The following WDR41 variants were observed in gnomAD, a reference collection of about 807,000 sequenced individuals.
WDR41 encodes the protein WD repeat domain 41, also known as WD repeat-containing protein 41.
Under a neutral mutation model 69.3 loss-of-function variants are expected in WDR41, and 63 were observed. The ratio of observed to expected loss-of-function variants is 0.91; its 90% CI spans 0.74 to 1.12. The LOEUF (loss-of-function observed/expected upper bound fraction) is 1.12. Ranked by LOEUF, WDR41 falls within the 50% of genes most tolerant of loss-of-function variation. The pLI, the probability that WDR41 is intolerant of heterozygous loss-of-function variation, is 0.00. For synonymous variants in WDR41, 185 were observed against 192.1 expected (o/e 0.96, Z 0.31); for missense variants, 543 against 534.5 (o/e 1.02, Z -0.16).
In WDR41 at chr5:77,433,238, T is replaced by A; in HGVS notation, c.1277A>T (p.His426Leu). The A allele has an allele frequency of 3.7e-6, 6 of 1,613,918 alleles. No individual in the cohort carries two copies. Among genetic ancestry groups the A allele is most frequent in the Non-Finnish European group, 4.2e-6 (5 of 1,179,864 alleles). ...DHGLVTCSAD[H>L]LIILWKNGER... ...TCCATTTTTCCACAAAATAATGAGA[T>A]GATCAGCGGAGCACGTCACTAGTCC... The change falls in exon 13 of 13, where the codon CAT (histidine) becomes CTT (leucine). Residue 426 changes from histidine to leucine, a missense_variant. His to Leu is a moderately conservative substitution (Grantham distance 99). Transcript: ENST00000296679.
chr5:77,506,639 A>T (rs925088927), intron 1 of WDR41, among the ~76,000 whole-genome samples: 1 of 152,226 alleles, frequency 6.6e-6, no homozygotes, highest in Non-Finnish European at 1.5e-5. Flanking sequence ...AACCAACCCA[A>T]ATGTCCATCA....
intron 8 of WDR41, among the ~76,000 whole-genome samples, chr5:77,441,646 G>A (rs1799171816): frequency 6.6e-6 from 1 of 152,218 alleles, no homozygotes; most frequent in African/African-American, 2.4e-5. Context: ...GTTGAGACAG[G>A]AGAACTGCTT....
intron 1 of WDR41, among the ~76,000 whole-genome samples, chr5:77,549,830 C>A (rs1046773174): frequency 6.6e-6 from 1 of 152,088 alleles, no homozygotes; most frequent in African/African-American, 2.4e-5. Flanking sequence ...CATCACATTA[C>A]CCAACTTCAA....
At chr5:77,450,207 C>A (rs1168201267) in intron 7 of WDR41, among the ~76,000 whole-genome samples, 1 of 152,144 alleles carries the variant, frequency 6.6e-6, no homozygotes, top group Non-Finnish European at 1.5e-5. Context: ...TAGCCCACAT[C>A]CCTCAATCAC....
At chr5:77,609,751 TCTC>T (rs1164600622) in intron 1 of WDR41, among the ~76,000 whole-genome samples, 1 of 152,048 alleles carries the variant, frequency 6.6e-6, no homozygotes, top group Admixed American at 6.5e-5. Context: ...GCAGAGCGCC[TCTC>T]CTCCTCCAAA....
At chr5:77,510,897 A>T (rs1316888579) in intron 1 of WDR41, among the ~76,000 whole-genome samples, 2 of 147,408 alleles carry the variant, frequency 1.4e-5, no homozygotes, top group Non-Finnish European at 3.0e-5. Flanking sequence ...TCAGCCTCCC[A>T]AGTAGCTGGG....
At chr5:77,449,941 A>C in intron 7 of WDR41, 71 bp from the exon 8 acceptor site, 1 of 1,062,918 alleles carries the variant, frequency 9.4e-7, no homozygotes, top group African/African-American at 1.6e-5. Flanking sequence ...CTGCTCTAAA[A>C]ACAAGCATTT....
chr5:77,439,767 T>A (rs1446803501), intron 9 of WDR41, among the ~76,000 whole-genome samples: 1 of 152,106 alleles, frequency 6.6e-6, no homozygotes, highest in Non-Finnish European at 1.5e-5. Context: ...AAACATCAAT[T>A]AAAAAATTTA....
chr5:77,470,881 A>C (rs1042388341), intron 2 of WDR41, among the ~76,000 whole-genome samples: 14 of 151,900 alleles, frequency 9.2e-5, no homozygotes, highest in African/African-American at 3.4e-4. Context: ...AGACAAAGTT[A>C]ACAAGGATAT....
rs564483270 is a variant in WDR41 at position 77,564,846 on chromosome 5, A to G, written c.42+55633T>C. Among the ~76,000 whole-genome samples the G allele has an allele frequency of 4.6e-5, 7 of 152,250 alleles. No homozygotes were observed. In the East Asian group the frequency reaches 1.3e-3, roughly 29 times the overall value. Reference sequence around the variant, plus strand: ...CTCAAACTCAACAGTCCCATAATGTATTTCAAACTATCTTTTCTTCTATCA... The same window carrying G: ...CTCAAACTCAACAGTCCCATAATGTGTTTCAAACTATCTTTTCTTCTATCA... On this transcript the variant is annotated intron_variant, in intron 1 of 5. Coordinates refer to the WDR41 transcript ENST00000509971.
intron 1 of WDR41, among the ~76,000 whole-genome samples, chr5:77,501,455 T>C (rs914228159): frequency 5.3e-5 from 8 of 152,244 alleles, no homozygotes; most frequent in African/African-American, 1.9e-4. Context: ...AGGGCATAGC[T>C]GAACAAAAGT....
chr5:77,507,214 C>A (rs956474360), intron 1 of WDR41, among the ~76,000 whole-genome samples: 1 of 151,940 alleles, frequency 6.6e-6, no homozygotes, highest in African/African-American at 2.4e-5. Flanking sequence ...TGCATGAGAA[C>A]GTAGGCATAT....
intron 1 of WDR41, among the ~76,000 whole-genome samples, chr5:77,536,181 T>G (rs1466747703): frequency 6.6e-6 from 1 of 152,022 alleles, no homozygotes; most frequent in Admixed American, 6.6e-5. Context: ...GAATTTAGAT[T>G]CCAAAAAGCA....
At chr5:77,442,041 C>T (rs1561729636) in intron 8 of WDR41, among the ~76,000 whole-genome samples, 1 of 152,182 alleles carries the variant, frequency 6.6e-6, no homozygotes, top group Non-Finnish European at 1.5e-5. Context: ...ATACCCAACA[C>T]AGTACTGGCA....
At chr5:77,501,452 A>G (rs1431924003) in intron 1 of WDR41, among the ~76,000 whole-genome samples, 1 of 152,252 alleles carries the variant, frequency 6.6e-6, no homozygotes, top group Admixed American at 6.5e-5. Flanking sequence ...GGCAGGGCAT[A>G]GCTGAACAAA....
At chr5:77,449,118 T>C (rs1799519629) in intron 8 of WDR41, among the ~76,000 whole-genome samples, 1 of 152,194 alleles carries the variant, frequency 6.6e-6, no homozygotes, top group Admixed American at 6.5e-5. Flanking sequence ...GCAAGTGAAC[T>C]GAATGTCAAG....
chr5:77,607,473 A>C (rs940466640), intron 1 of WDR41, among the ~76,000 whole-genome samples: 7 of 152,278 alleles, frequency 4.6e-5, no homozygotes, highest in Non-Finnish European at 8.8e-5. Context: ...CACTAGAAGC[A>C]GCTGGGTGCA....
At position 77,492,232 on chromosome 5, in the gene WDR41, C is replaced by T. The variant is rs1801836809; in HGVS notation, c.-12G>A. On this transcript the variant is annotated 5_prime_UTR_variant, in exon 1 of 13. Coordinates refer to ENST00000296679, the MANE Select transcript of WDR41 (RefSeq NM_018268.4). Reference sequence around the variant, plus strand: ...AGCCATCGCAACATCCGGGCAGCGGCGGCGTCTTGCCCGGTCCAGCCCCAG... The same window carrying T: ...AGCCATCGCAACATCCGGGCAGCGGTGGCGTCTTGCCCGGTCCAGCCCCAG... 6.2e-7 allele frequency: 1 copy of T among 1,612,556 alleles called. No homozygotes were observed. Among genetic ancestry groups the T allele is most frequent in the Non-Finnish European group, 8.5e-7 (1 of 1,179,602 alleles).
chr5:77,433,224 A>T lies in WDR41; in HGVS notation c.1291T>A (p.Trp431Arg). The change falls in exon 13 of 13, where the codon TGG (tryptophan) becomes AGG (arginine). Residue 431 changes from tryptophan to arginine, a missense_variant. By Grantham distance (101) the Trp-to-Arg change is moderately radical (BLOSUM62 -3). Coordinates refer to ENST00000296679, the MANE Select transcript of WDR41 (RefSeq NM_018268.4). Reference protein sequence around the residue: ...TCSADHLIILWKNGERESGLR... With the variant: ...TCSADHLIILRKNGERESGLR... ...CCAGATTCTCGCTCTCCATTTTTCC[A>T]CAAAATAATGAGATGATCAGCGGAG... is the stretch of plus-strand genomic sequence containing the variant. 1 of 1,614,046 alleles carries T rather than the reference A, an allele frequency of 6.2e-7. No homozygotes were observed. The highest frequency in any genetic ancestry group is 8.5e-7 in the Non-Finnish European group (1 of 1,179,948).
Sources: allele counts gnomAD v4.1 joint callset (sites outside exome capture counted in the v4.1 genomes callset), GRCh38; gene constraint gnomAD v4.1.1; transcripts MANE v1.5; gene names NCBI Gene and HGNC (gene_info 2026-07-23, HGNC 2026-07-21).